FAM53C: variants seen among roughly 807,000 people sequenced by gnomAD.
The protein encoded by FAM53C is protein FAM53C.
FAM53C carries 10 observed loss-of-function variants against 34.7 expected under a neutral mutation model. The ratio of observed to expected loss-of-function variants is 0.29; its 90% CI spans 0.18 to 0.49. FAM53C has a LOEUF of 0.49. Among genes scored for constraint, FAM53C ranks in the 20% least tolerant of loss-of-function variants. The pLI is 0.99. For synonymous variants in FAM53C, 203 were observed against 203.6 expected, an observed-to-expected ratio of 1.00 and a Z score of 0.03; for missense variants, 442 against 515.3, an observed-to-expected ratio of 0.86 and a Z score of 1.38.
At chr5:138,339,575 C>G (rs915486705) in intron 1 of FAM53C, among the ~76,000 whole-genome samples, 1 of 152,190 alleles carries the variant, frequency 6.6e-6, no homozygotes, top group Non-Finnish European at 1.5e-5. Context: ...GCTGGTTAGC[C>G]TGAGGCCTGG....
In FAM53C at chr5:138,341,303, C is replaced by T; in HGVS notation, c.-33C>T. 6.3e-7 allele frequency: 1 copy of T among 1,589,738 alleles called. No individual in the cohort carries two copies. Among genetic ancestry groups the T allele is most frequent in the Non-Finnish European group, 8.6e-7 (1 of 1,157,898 alleles). ...ACAGGGAAGACATCCATCATTTGCTCCAAAGTGTGCAAGTCAAATCCTGGG... is the reference window on the plus strand; with the variant it reads ...ACAGGGAAGACATCCATCATTTGCTTCAAAGTGTGCAAGTCAAATCCTGGG... On this transcript the variant is annotated 5_prime_UTR_variant, in exon 2 of 5. Transcript: ENST00000239906.
At chr5:138,340,642 AAAAC>A (rs1402895031) in intron 1 of FAM53C, among the ~76,000 whole-genome samples, 2 of 152,264 alleles carry the variant, frequency 1.3e-5, no homozygotes, top group African/African-American at 4.8e-5. Flanking sequence ...ATTTGATAAG[AAAAC>A]AAACACTGTA....
chr5:138,343,254 A>G (rs1234729773), intron 3 of FAM53C, among the ~76,000 whole-genome samples: 1 of 151,978 alleles, frequency 6.6e-6, no homozygotes, highest in African/African-American at 2.4e-5. Context: ...TCATGCCTGT[A>G]ATCCCAGCAC....
At position 138,338,307 on chromosome 5, in the gene FAM53C, G is replaced by A. The variant is rs1276240436; in HGVS notation, c.-153G>A. On this transcript the variant is annotated splice_region_variant and 5_prime_UTR_variant, in exon 1 of 5. Transcript: ENST00000239906. ...CGGCCCTGGGAGCTGGAGGAACCGC[G>A]GTAGGTGGTGGAGGGCAGGTGGCGC... 4 of 570,692 alleles carry A rather than the reference G, an allele frequency of 7.0e-6. No homozygotes were observed. Among genetic ancestry groups the A allele is most frequent in the Non-Finnish European group, 6.0e-6 (2 of 335,338 alleles). 35.4% of individuals were successfully genotyped at this position (570,692 alleles called of 1,614,324 possible).
At chr5:138,338,814 C>T (rs1227698789) in intron 1 of FAM53C, among the ~76,000 whole-genome samples, 5 of 152,218 alleles carry the variant, frequency 3.3e-5, no homozygotes, top group Non-Finnish European at 7.3e-5. Flanking sequence ...TCCCTGCCTT[C>T]CTCATGTTTT....
At chr5:138,338,442 G>A (rs1040316552) in intron 1 of FAM53C, 135 bp downstream of exon 1, 2 of 333,704 alleles carry the variant, frequency 6.0e-6, no homozygotes, top group African/African-American at 2.3e-5. Flanking sequence ...TGCGGGGAGA[G>A]CACGGGACCC....
chr5:138,346,665 C>T, intron 4 of FAM53C, 37 bp from the exon 5 acceptor site: 1 of 1,607,756 alleles, frequency 6.2e-7, no homozygotes, highest in Non-Finnish European at 8.5e-7. Flanking sequence ...AGAATTCTTG[C>T]CTTCAGGTGT....
At chr5:138,339,328 T>TTC in intron 1 of FAM53C, among the ~76,000 whole-genome samples, 1 of 152,286 alleles carries the variant, frequency 6.6e-6, no homozygotes, top group Non-Finnish European at 1.5e-5. Flanking sequence ...ATGGCTTCCG[T>TTC]TCTGTTCCCC....
intron 3 of FAM53C, 133 bp downstream of exon 3, chr5:138,341,999 T>C: frequency 1.3e-6 from 1 of 762,570 alleles, no homozygotes; most frequent in Non-Finnish European, 2.3e-6. Flanking sequence ...ACTTCTGAGA[T>C]TGACAGTTGT....
chr5:138,340,354 G>A (rs1761001453), intron 1 of FAM53C, among the ~76,000 whole-genome samples: 1 of 152,246 alleles, frequency 6.6e-6, no homozygotes, highest in East Asian at 1.9e-4. Context: ...GCTCATTTCC[G>A]GGAATAGATA....
rs1761030781 is a variant in FAM53C, at chr5:138,341,427, C to A, written c.78+14C>A. 2 of 1,609,096 alleles carry A rather than the reference C, an allele frequency of 1.2e-6. No homozygotes were observed. The highest frequency in any genetic ancestry group is 2.7e-5 in the African/African-American group (2 of 74,946). ...AGCATCAGTCTGGTAAAAGACCAGT[C>A]TTCCTGCTTCTCCACGACCCCCTCC... On this transcript the variant is annotated intron_variant, in intron 2 of 4. Transcript: ENST00000239906.
intron 1 of FAM53C, among the ~76,000 whole-genome samples, chr5:138,340,879 C>G (rs545114486): frequency 1.3e-5 from 2 of 152,352 alleles, no homozygotes; most frequent in South Asian, 4.1e-4. Flanking sequence ...GCATCCCTCT[C>G]TCTCACTTGA....
intron 1 of FAM53C, among the ~76,000 whole-genome samples, chr5:138,338,707 G>C (rs1424158500): frequency 6.6e-6 from 1 of 151,896 alleles, no homozygotes; most frequent in Admixed American, 6.6e-5. Context: ...TTCTTCATGG[G>C]GGTGGGGGGA....
rs1761223016 is a variant in FAM53C, at chr5:138,347,790, C to T, written c.*831C>T. ...ATTGTCCAGGCTATATTCCACCTGCCTCTTTTGCCCTCTTGAGTAGAGTTG... is the reference window on the plus strand; with the variant it reads ...ATTGTCCAGGCTATATTCCACCTGCTTCTTTTGCCCTCTTGAGTAGAGTTG... On this transcript the variant is annotated 3_prime_UTR_variant, in exon 5 of 5. Transcript: ENST00000239906. 1 of 152,292 alleles carries T rather than the reference C, an allele frequency of 6.6e-6. No individual in the cohort carries two copies. The highest frequency in any genetic ancestry group is 1.5e-5 in the Non-Finnish European group (1 of 68,188). 9.4% of individuals were successfully genotyped at this position (152,292 alleles called of 1,614,324 possible).
rs749169118 is a variant in FAM53C at position 138,344,925 on chromosome 5, A to G, written c.237A>G (p.Arg79=). 6.2e-7 allele frequency: 1 copy of G among 1,614,038 alleles called. No individual in the cohort carries two copies. The highest frequency in any genetic ancestry group is 2.2e-5 in the East Asian group (1 of 44,860). The change falls in exon 4 of 5, where the codon AGA becomes AGG. Residue 79 remains arginine, a synonymous_variant. Transcript: ENST00000239906. The part of the protein sequence containing the change: ...YHPSGLSLHL[R]PPSRGNSPKE... ...CCTCAGGCCTGAGCCTGCACCTCAG[A>G]CCACCCAGTCGGGGAAACTCCCCCA...
At chr5:138,344,315 C>G (rs532382460) in intron 3 of FAM53C, among the ~76,000 whole-genome samples, 4 of 152,364 alleles carry the variant, frequency 2.6e-5, no homozygotes, top group Admixed American at 1.3e-4. Flanking sequence ...TTACCTCTTA[C>G]TTCTTGGCAG....
intron 3 of FAM53C, among the ~76,000 whole-genome samples, chr5:138,344,367 A>G (rs1325119528): frequency 6.6e-6 from 1 of 152,220 alleles, no homozygotes; most frequent in Non-Finnish European, 1.5e-5. Context: ...TGAGAGGAGG[A>G]AAGGCCGAGA....
At chr5:138,342,084 AT>A (rs1158990784) in intron 3 of FAM53C, 2 of 516,844 alleles carry the variant, frequency 3.9e-6, no homozygotes, top group Non-Finnish European at 7.0e-6. Flanking sequence ...GTATAATCTA[AT>A]TTTTTGAATA....
intron 3 of FAM53C, among the ~76,000 whole-genome samples, chr5:138,344,601 C>T (rs1561743682): frequency 6.6e-6 from 1 of 152,196 alleles, no homozygotes; most frequent in Non-Finnish European, 1.5e-5. Context: ...ATCAGACAGA[C>T]CTGGATTTGA....
Sources: allele counts gnomAD v4.1 joint callset (sites outside exome capture counted in the v4.1 genomes callset), GRCh38; gene constraint gnomAD v4.1.1; transcripts MANE v1.5; gene names NCBI Gene and HGNC (gene_info 2026-07-23, HGNC 2026-07-21).